PAPPA2: variants seen among roughly 807,000 people sequenced by gnomAD.
PAPPA2 encodes pappalysin-2.
PAPPA2 carries 86 observed loss-of-function variants against 176.4 expected under a neutral mutation model. The ratio of observed to expected loss-of-function variants is 0.49; its 90% CI spans 0.41 to 0.58. The LOEUF is 0.58. Among genes scored for constraint, PAPPA2 ranks in the 20% least tolerant of loss-of-function variants. The pLI is 0.00. For synonymous variants in PAPPA2, 809 were observed against 852.2 expected (o/e 0.95, Z 0.88); for missense variants, 2,073 against 2,256.9 (o/e 0.92, Z 1.65).
At chr1:176,677,949 G>T (rs913296618) in intron 4 of PAPPA2, among the ~76,000 whole-genome samples, 1 of 152,178 alleles carries the variant, frequency 6.6e-6, no homozygotes, top group African/African-American at 2.4e-5. Flanking sequence ...CTATGTGATG[G>T]CAACATACAT....
At chr1:176,730,105 T>G (rs1329548091) in intron 12 of PAPPA2, among the ~76,000 whole-genome samples, 2 of 151,976 alleles carry the variant, frequency 1.3e-5, no homozygotes, top group African/African-American at 4.8e-5. Flanking sequence ...TATATATTCA[T>G]TTTTTGAATA....
At position 176,793,587 on chromosome 1, in the gene PAPPA2, T is replaced by TC. The variant is rs747970462; in HGVS notation, c.5055dup (p.Ser1686GlnfsTer2). On this transcript the variant is annotated frameshift_variant, in exon 20 of 23. Transcript: ENST00000367662. LOFTEE classifies it high-confidence loss of function. ...GCAGTGTGTTCCCCATTGTGTGTAA[T>TC]CCCCCCCAGTGACCCCGTGATGCTA... The TC allele has an allele frequency of 1.2e-6, 2 of 1,612,326 alleles. No individual in the cohort carries two copies. The highest frequency in any genetic ancestry group is 1.7e-6 in the Non-Finnish European group (2 of 1,178,856).
At chr1:176,600,981 A>T (rs1311752037) in intron 3 of PAPPA2, among the ~76,000 whole-genome samples, 1 of 151,970 alleles carries the variant, frequency 6.6e-6, no homozygotes, top group East Asian at 1.9e-4. Context: ...TGTCTCCCAA[A>T]GTTCTTATTT....
chr1:176,707,056 G>A (rs1425116950), intron 10 of PAPPA2, among the ~76,000 whole-genome samples: 1 of 152,152 alleles, frequency 6.6e-6, no homozygotes. Flanking sequence ...CAGGGAGGCA[G>A]TCTACAACAC....
At chr1:176,695,492 G>C (rs1660332197) in intron 6 of PAPPA2, among the ~76,000 whole-genome samples, 2 of 151,984 alleles carry the variant, frequency 1.3e-5, no homozygotes, top group Non-Finnish European at 2.9e-5. Context: ...ATCTCCACAG[G>C]CCTCTTTTAT....
chr1:176,745,480 C>G (rs1443180819), intron 14 of PAPPA2, among the ~76,000 whole-genome samples: 1 of 152,184 alleles, frequency 6.6e-6, no homozygotes, highest in East Asian at 1.9e-4. Flanking sequence ...CAAATCCCAT[C>G]CTTGTGAATC....
intron 12 of PAPPA2, among the ~76,000 whole-genome samples, chr1:176,718,381 A>G (rs907712895): frequency 1.3e-5 from 2 of 152,030 alleles, no homozygotes; most frequent in Non-Finnish European, 2.9e-5. Flanking sequence ...ATCTTTTTAT[A>G]TGACCAACTG....
chr1:176,777,700 A>G (rs1664522409), intron 17 of PAPPA2, among the ~76,000 whole-genome samples: 1 of 152,164 alleles, frequency 6.6e-6, no homozygotes, highest in African/African-American at 2.4e-5. Flanking sequence ...AATTTACAGG[A>G]TAGAAATAAT....
chr1:176,840,021 G>T, intron 21 of PAPPA2, 152 bp from the exon 22 acceptor site: 1 of 578,740 alleles, frequency 1.7e-6, no homozygotes, highest in Non-Finnish European at 3.0e-6. Flanking sequence ...TCAACTTCTT[G>T]CAAATATTAG....
At position 176,550,983 on chromosome 1, in the gene PAPPA2, A is replaced by G. The variant is rs143469347; in HGVS notation, c.-916-4424A>G. On this transcript the variant is annotated intron_variant, in intron 1 of 22. Transcript: ENST00000367662. ...GCAAACCAGCCAGACAGGTGAAGAC[A>G]GTGCGTAGCCAGAGAAGGCAAAAAA... Among the ~76,000 whole-genome samples, 192 of 152,350 alleles carry G rather than the reference A, an allele frequency of 1.3e-3. 2 individuals are homozygous for G. The South Asian group carries it at 0.013, about 11-fold the overall frequency.
chr1:176,567,398 T>A (rs1327333152), intron 2 of PAPPA2, among the ~76,000 whole-genome samples: 9 of 152,220 alleles, frequency 5.9e-5, no homozygotes, highest in Admixed American at 5.9e-4. Flanking sequence ...AGAAATCCAG[T>A]TACCTGATCA....
intron 4 of PAPPA2, among the ~76,000 whole-genome samples, chr1:176,683,433 G>A (rs1055674088): frequency 6.6e-6 from 1 of 152,160 alleles, no homozygotes; most frequent in South Asian, 2.1e-4. Context: ...GTATTGGGAC[G>A]CATTGGGTTC....
chr1:176,824,786 C>A (rs534080887), intron 21 of PAPPA2, among the ~76,000 whole-genome samples: 1 of 152,062 alleles, frequency 6.6e-6, no homozygotes, highest in Non-Finnish European at 1.5e-5. Flanking sequence ...CCTCACCAGG[C>A]GATGTGAGGA....
intron 3 of PAPPA2, among the ~76,000 whole-genome samples, chr1:176,660,504 T>A (rs1658302912): frequency 6.6e-6 from 1 of 152,118 alleles, no homozygotes; most frequent in African/African-American, 2.4e-5. Context: ...TTGCAAGACA[T>A]TGATTAAATT....
chr1:176,666,288 A>T (rs989539704), intron 3 of PAPPA2, among the ~76,000 whole-genome samples: 6 of 152,098 alleles, frequency 3.9e-5, no homozygotes, highest in Admixed American at 6.5e-5. Flanking sequence ...ATGATTTTTT[A>T]AAAAAATTTC....
At chr1:176,761,962 A>G (rs546333990) in intron 14 of PAPPA2, among the ~76,000 whole-genome samples, 1 of 152,334 alleles carries the variant, frequency 6.6e-6, no homozygotes, top group South Asian at 2.1e-4. Flanking sequence ...ATTAGGTAGA[A>G]AGGAGAATGT....
intron 1 of PAPPA2, among the ~76,000 whole-genome samples, chr1:176,552,213 T>G (rs11583447): frequency 0.49 from 74,173 of 151,312 alleles, 19,103 homozygotes; most frequent in African/African-American, 0.64. Flanking sequence ...TGTTTCATTC[T>G]TCCCTCTTCT....
chr1:176,486,098 C>A (rs1572958645), intron 1 of PAPPA2, among the ~76,000 whole-genome samples: 2 of 152,320 alleles, frequency 1.3e-5, no homozygotes, highest in East Asian at 3.9e-4. Flanking sequence ...AGTGATGAAT[C>A]AGTCTCTTCT....
chr1:176,660,974 A>G (rs1362896093), intron 3 of PAPPA2, among the ~76,000 whole-genome samples: 1 of 152,022 alleles, frequency 6.6e-6, no homozygotes, highest in African/African-American at 2.4e-5. Context: ...CCACTCTATT[A>G]TCTGCAAAGA....
Sources: allele counts gnomAD v4.1 joint callset (sites outside exome capture counted in the v4.1 genomes callset), GRCh38; gene constraint gnomAD v4.1.1; transcripts MANE v1.5; gene names NCBI Gene and HGNC (gene_info 2026-07-23, HGNC 2026-07-21).